Variants in PI4KA observed in about 807,000 individuals in gnomAD.
The protein encoded by PI4KA is phosphatidylinositol 4-kinase alpha.
A neutral mutation model predicts 271.4 loss-of-function variants in PI4KA; 122 were observed. The ratio of observed to expected loss-of-function variants is 0.45; its 90% confidence interval spans 0.39 to 0.52. The LOEUF is 0.52. Ranked by LOEUF, PI4KA falls within the 20% of genes least tolerant of loss-of-function variation. PI4KA has a pLI of 0.00. For synonymous variants in PI4KA, 1,041 were observed against 1,078.8 expected, an observed-to-expected ratio of 0.96 and a Z score of 0.69; for missense variants, 1,969 against 2,769.1, an observed-to-expected ratio of 0.71 and a Z score of 6.48.
At chr22:20,789,488 C>T (rs1157731125) in intron 19 of PI4KA, among the ~76,000 whole-genome samples, 3 of 152,176 alleles carry the variant, frequency 2.0e-5, no homozygotes, top group African/African-American at 7.2e-5. Context: ...TGCCACCACG[C>T]TTGGCTAATT....
chr22:20,732,786 C>T (rs1928230696), intron 36 of PI4KA, among the ~76,000 whole-genome samples, 185 bp downstream of exon 36: 1 of 152,166 alleles, frequency 6.6e-6, no homozygotes, highest in Non-Finnish European at 1.5e-5. Flanking sequence ...CTTCTCAGCT[C>T]AGGCCAGAGG....
intron 44 of PI4KA, 135 bp downstream of exon 44, chr22:20,718,558 G>A: frequency 9.7e-7 from 1 of 1,033,518 alleles, no homozygotes; most frequent in Non-Finnish European, 1.5e-6. Flanking sequence ...ACCACCAGCG[G>A]CCCCGCTGCT....
intron 10 of PI4KA, among the ~76,000 whole-genome samples, chr22:20,805,832 C>CAA (rs362153): frequency 1.9e-5 from 2 of 105,278 alleles, no homozygotes; most frequent in Non-Finnish European, 2.0e-5. Flanking sequence ...ACTCCCATCT[C>CAA]AAAAAAAAAA....
At chr22:20,730,076 A>T (rs1178867092) in intron 36 of PI4KA, 65 bp from the exon 37 acceptor site, 15 of 1,584,422 alleles carry the variant, frequency 9.5e-6, no homozygotes, top group Non-Finnish European at 1.2e-5. Flanking sequence ...ACAAAAAATA[A>T]ACTACTATTC....
chr22:20,804,843 G>A, intron 11 of PI4KA, 131 bp downstream of exon 11: 2 of 729,566 alleles, frequency 2.7e-6, no homozygotes, highest in Non-Finnish European at 4.7e-6. Flanking sequence ...CACGTGCCCA[G>A]GAGGCCTACT....
At position 20,805,107 on chromosome 22, in the gene PI4KA, C is replaced by T. The variant is rs147518064; in HGVS notation, c.1227G>A (p.Thr409=). ...IHDFVLEQFN[T]SQGELQKILH... ...GAATCTTCTGGAGCTCCCCCTGGCT[C>T]GTGTTGAACTGCTCCAGCACAAAAT... The change falls in exon 11 of 55, where the codon ACG becomes ACA. Residue 409 remains threonine, a synonymous_variant. Transcript: ENST00000255882. 45 of 1,613,992 alleles carry T rather than the reference C, an allele frequency of 2.8e-5. No individual in the cohort carries two copies. Among genetic ancestry groups the T allele is most frequent in the Middle Eastern group, 1.6e-4 (1 of 6,084 alleles).
chr22:20,802,051 A>G lies in PI4KA; in HGVS notation c.1646T>C (p.Leu549Pro). 1 of 1,613,998 alleles carries G rather than the reference A, an allele frequency of 6.2e-7. No individual in the cohort carries two copies. Reference sequence around the variant, plus strand: ...GCTCTTCTTACCCGACATGACGTTCAGGGTTGACTCGGAATGCTCATTGGT... The same window carrying G: ...GCTCTTCTTACCCGACATGACGTTCGGGGTTGACTCGGAATGCTCATTGGT... ...SVTNEHSEST[L>P]NVMSGKKSQP... Residue 549 changes from leucine to proline, a missense_variant, in exon 14 of 55, where the codon CTG becomes CCG. Physicochemically the swap from Leu to Pro is moderately conservative, Grantham distance 98. Coordinates refer to ENST00000255882, the MANE Select transcript of PI4KA (RefSeq NM_058004.4).
At chr22:20,771,151 G>A (rs1420157450) in intron 19 of PI4KA, among the ~76,000 whole-genome samples, 2 of 152,184 alleles carry the variant, frequency 1.3e-5, no homozygotes, top group Non-Finnish European at 2.9e-5. Flanking sequence ...TACACAAGCT[G>A]TGGTGGCTCA....
intron 22 of PI4KA, among the ~76,000 whole-genome samples, chr22:20,762,184 G>C (rs1249323622): frequency 6.6e-6 from 1 of 152,150 alleles, no homozygotes; most frequent in Non-Finnish European, 1.5e-5. Context: ...AGAGTTCCAG[G>C]GGCTCCACTA....
intron 19 of PI4KA, among the ~76,000 whole-genome samples, chr22:20,778,549 A>AAAC (rs1392395818): frequency 6.6e-6 from 1 of 152,140 alleles, no homozygotes; most frequent in Non-Finnish European, 1.5e-5. Flanking sequence ...AACAACAAAA[A>AAAC]AACAACGAAT....
intron 43 of PI4KA, among the ~76,000 whole-genome samples, chr22:20,720,478 G>A (rs1294629174): frequency 6.6e-6 from 1 of 152,162 alleles, no homozygotes; most frequent in African/African-American, 2.4e-5. Context: ...CTTAAGCCCA[G>A]GTGGTCAAGG....
chr22:20,814,539 C>T (rs540848343), intron 7 of PI4KA, among the ~76,000 whole-genome samples: 2 of 152,082 alleles, frequency 1.3e-5, no homozygotes, highest in Admixed American at 1.3e-4. Context: ...TGCTTGAGTC[C>T]AGGAATTCAA....
At chr22:20,815,379 C>CAAAAAAAAAAAAAAAAA (rs361826) in intron 7 of PI4KA, among the ~76,000 whole-genome samples, 11 of 83,924 alleles carry the variant, frequency 1.3e-4, no homozygotes, top group Non-Finnish European at 1.7e-4. Context: ...GACTGCGTCT[C>CAAAAAAAAAAAAAAAAA]AAAAAAAAAA....
intron 28 of PI4KA, among the ~76,000 whole-genome samples, chr22:20,748,185 C>T (rs1054809691): frequency 6.6e-6 from 1 of 152,262 alleles, no homozygotes; most frequent in African/African-American, 2.4e-5. Flanking sequence ...CCAGCTACTG[C>T]TCATTTGACT....
intron 1 of PI4KA, among the ~76,000 whole-genome samples, chr22:20,839,570 G>A (rs564958960): frequency 1.3e-5 from 2 of 152,318 alleles, no homozygotes; most frequent in East Asian, 1.9e-4. Flanking sequence ...GGTGGCTCAC[G>A]CCTGTAATCC....
intron 3 of PI4KA, among the ~76,000 whole-genome samples, chr22:20,831,522 C>T (rs1205662321): frequency 2.0e-5 from 3 of 152,086 alleles, no homozygotes; most frequent in Admixed American, 6.6e-5. Context: ...GACCCAAGAT[C>T]GCACCACTGC....
chr22:20,767,949 ATT>A (rs1188971557), intron 19 of PI4KA, among the ~76,000 whole-genome samples: 2 of 139,548 alleles, frequency 1.4e-5, no homozygotes, highest in Admixed American at 1.4e-4. Flanking sequence ...TATTATTATT[ATT>A]ATTATTATTA....
At chr22:20,817,266 CTA>C (rs1921927998) in intron 7 of PI4KA, among the ~76,000 whole-genome samples, 2 of 152,140 alleles carry the variant, frequency 1.3e-5, no homozygotes, top group African/African-American at 4.8e-5. Flanking sequence ...AAAGGAGAGA[CTA>C]TACTGAAGCA....
rs978816692 is a variant in PI4KA, at chr22:20,807,387, C to A, written c.1143G>T (p.Leu381=). 3 of 1,611,880 alleles carry A rather than the reference C, an allele frequency of 1.9e-6. No individual in the cohort carries two copies. The highest frequency in any genetic ancestry group is 1.7e-5 in the Admixed American group (1 of 60,022). Residue 381 remains leucine (L), a synonymous_variant, in exon 10 of 55, where the codon CTG becomes CTT. Coordinates refer to ENST00000255882, the MANE Select transcript of PI4KA (RefSeq NM_058004.4). ...DPLYLTMFKM[L]RDTLYYMKDL... Reference sequence around the variant, plus strand: ...CCTTCATGTAGTACAGAGTGTCACGCAGCATCTTGAACATGGTCAGGTAGA... The same window carrying A: ...CCTTCATGTAGTACAGAGTGTCACGAAGCATCTTGAACATGGTCAGGTAGA...
Sources: gnomAD v4.1 joint callset for allele counts (sites outside exome capture counted in the v4.1 genomes callset) on GRCh38, gnomAD v4.1.1 for gene constraint, MANE v1.5 for transcripts, NCBI Gene and HGNC (gene_info 2026-07-23, HGNC 2026-07-21) for gene names.